Variants in CNTN5 observed in about 807,000 individuals in gnomAD.
CNTN5 encodes the protein contactin-5.
CNTN5 carries 77 observed loss-of-function variants against 129.1 expected under a neutral mutation model. The observed-to-expected ratio is 0.60, with a 90% confidence interval of 0.50 to 0.72. The LOEUF (loss-of-function observed/expected upper bound fraction) is 0.72, where lower values mean the gene tolerates loss of function less well. Among genes scored for constraint, CNTN5 ranks in the 30% least tolerant of loss-of-function variants. The pLI is 0.00. For synonymous variants in CNTN5, 509 were observed against 465.6 expected, an observed-to-expected ratio of 1.09 and a Z score of -1.20; for missense variants, 1,478 against 1,328.8, an observed-to-expected ratio of 1.11 and a Z score of -1.75.
In CNTN5 at chr11:99,844,860, G is replaced by A; in HGVS notation, c.286G>A (p.Asp96Asn). ...SDAFKQDESV[D>N]YGPVFVQEPD... ...CTGTTTTGTCTTTACAGAAAGTGTG[G>A]ACTATGGGCCAGTTTTTGTGCAAGA... Residue 96 changes from aspartate to asparagine, a missense_variant, in exon 5 of 25, where the codon GAC becomes AAC. Coordinates refer to ENST00000524871, the MANE Select transcript of CNTN5 (RefSeq NM_014361.4). 1 of 1,612,570 alleles carries A rather than the reference G, an allele frequency of 6.2e-7. No homozygotes were observed. The highest frequency in any genetic ancestry group is 8.5e-7 in the Non-Finnish European group (1 of 1,179,250).
intron 13 of CNTN5, among the ~76,000 whole-genome samples, chr11:100,162,677 C>G (rs758708256): frequency 6.6e-6 from 1 of 151,772 alleles, no homozygotes; most frequent in Non-Finnish European, 1.5e-5. Context: ...TCAGGAACAT[C>G]AAAAATGTGG....
At chr11:100,009,307 A>G (rs1940382302) in intron 9 of CNTN5, among the ~76,000 whole-genome samples, 1 of 152,142 alleles carries the variant, frequency 6.6e-6, no homozygotes. Context: ...CACAAGGTTG[A>G]GTACAGAACT....
chr11:100,191,969 A>G (rs536654452), intron 14 of CNTN5, among the ~76,000 whole-genome samples: 1 of 152,040 alleles, frequency 6.6e-6, no homozygotes, highest in Non-Finnish European at 1.5e-5. Context: ...ATGGCAAACC[A>G]TACTCCGGCC....
At chr11:99,693,636 C>A (rs1320468740) in intron 3 of CNTN5, among the ~76,000 whole-genome samples, 3 of 151,876 alleles carry the variant, frequency 2.0e-5, no homozygotes, top group Admixed American at 6.6e-5. Context: ...GGAGTCTCTG[C>A]AAACATAATA....
chr11:99,435,533 T>C (rs561457771), intron 2 of CNTN5, among the ~76,000 whole-genome samples: 1 of 152,312 alleles, frequency 6.6e-6, no homozygotes, highest in African/African-American at 2.4e-5. Context: ...TTCATAATAC[T>C]CTAACCACAT....
At chr11:100,309,894 T>C (rs1182481197) in intron 21 of CNTN5, among the ~76,000 whole-genome samples, 1 of 151,796 alleles carries the variant, frequency 6.6e-6, no homozygotes, top group African/African-American at 2.4e-5. Context: ...GCTTGGAAAG[T>C]GACCTCGCCA....
At chr11:100,115,269 A>G (rs889080880) in intron 13 of CNTN5, among the ~76,000 whole-genome samples, 1 of 152,090 alleles carries the variant, frequency 6.6e-6, no homozygotes, top group African/African-American at 2.4e-5. Context: ...CTATGTGGTG[A>G]CTACAAGTTG....
intron 3 of CNTN5, among the ~76,000 whole-genome samples, chr11:99,742,260 G>A (rs1232847638): frequency 6.6e-6 from 1 of 152,096 alleles, no homozygotes; most frequent in Non-Finnish European, 1.5e-5. Flanking sequence ...GTTCTCTCCT[G>A]CAAAAAGTCA....
intron 13 of CNTN5, among the ~76,000 whole-genome samples, chr11:100,150,429 C>T (rs1366498404): frequency 6.6e-6 from 1 of 151,644 alleles, no homozygotes; most frequent in Non-Finnish European, 1.5e-5. Context: ...TGTGTATGGC[C>T]ATATGTTCAA....
At chr11:99,789,551 C>T (rs1475158441) in intron 3 of CNTN5, among the ~76,000 whole-genome samples, 2 of 151,950 alleles carry the variant, frequency 1.3e-5, no homozygotes, top group African/African-American at 2.4e-5. Flanking sequence ...GAATAATTAT[C>T]ACTTAGCTTC....
At chr11:100,243,694 G>T (rs185841441) in intron 16 of CNTN5, among the ~76,000 whole-genome samples, 74 of 152,262 alleles carry the variant, frequency 4.9e-4, no homozygotes, top group Admixed American at 3.6e-3. Context: ...AAATGAAACA[G>T]CACTGACTCA....
At chr11:99,647,985 A>G (rs1208294894) in intron 3 of CNTN5, among the ~76,000 whole-genome samples, 1 of 151,740 alleles carries the variant, frequency 6.6e-6, no homozygotes, top group Non-Finnish European at 1.5e-5. Flanking sequence ...AGATAATTTA[A>G]CTTCCTCTTT....
chr11:100,063,612 A>G (rs1943570386), intron 10 of CNTN5, among the ~76,000 whole-genome samples: 1 of 148,668 alleles, frequency 6.7e-6, no homozygotes, highest in African/African-American at 2.5e-5. Flanking sequence ...AGAGTGTCCT[A>G]TTTCACTTCT....
intron 2 of CNTN5, among the ~76,000 whole-genome samples, chr11:99,362,737 T>A (rs61891988): frequency 0.22 from 33,850 of 151,706 alleles, 4,718 homozygotes; most frequent in Middle Eastern, 0.32. Context: ...TTATCTTCGA[T>A]GTGGATATTC....
At chr11:99,431,638 T>G (rs1432184118) in intron 2 of CNTN5, among the ~76,000 whole-genome samples, 4 of 152,096 alleles carry the variant, frequency 2.6e-5, no homozygotes, top group Non-Finnish European at 5.9e-5. Flanking sequence ...CAGGGTCATC[T>G]CCAGTCAGAG....
chr11:100,244,745 A>G (rs1254310057), intron 16 of CNTN5, among the ~76,000 whole-genome samples: 1 of 152,164 alleles, frequency 6.6e-6, no homozygotes, highest in Non-Finnish European at 1.5e-5. Flanking sequence ...TGATAATTTC[A>G]TTATCCTATT....
chr11:99,359,950 TTCC>T (rs1223007245), intron 2 of CNTN5, among the ~76,000 whole-genome samples: 1 of 152,324 alleles, frequency 6.6e-6, no homozygotes, highest in African/African-American at 2.4e-5. Flanking sequence ...AGGGGATGGA[TTCC>T]TCATTTGCCC....
intron 13 of CNTN5, among the ~76,000 whole-genome samples, chr11:100,118,395 G>GTTTCT (rs1340104360): frequency 6.6e-6 from 1 of 151,774 alleles, no homozygotes; most frequent in Admixed American, 6.6e-5. Context: ...TTACACTATA[G>GTTTCT]TTTCTTTTAA....
intron 1 of CNTN5, among the ~76,000 whole-genome samples, chr11:99,038,185 A>G (rs1863836171): frequency 6.6e-6 from 1 of 152,126 alleles, no homozygotes; most frequent in Admixed American, 6.5e-5. Context: ...TAATAACATC[A>G]ATAAGACTAA....
Sources: gnomAD v4.1 joint callset for allele counts (sites outside exome capture counted in the v4.1 genomes callset) on GRCh38, gnomAD v4.1.1 for gene constraint, MANE v1.5 for transcripts, NCBI Gene and HGNC (gene_info 2026-07-23, HGNC 2026-07-21) for gene names.